FOXK1: variants seen among roughly 807,000 people sequenced by gnomAD.
FOXK1 encodes the protein forkhead box protein K1.
In FOXK1, 19 loss-of-function variants were observed where a neutral mutation model predicts 51.9. The observed-to-expected ratio is 0.37, with a 90% CI of 0.26 to 0.54. The LOEUF is 0.54. Among genes scored for constraint, FOXK1 ranks in the 20% least tolerant of loss-of-function variants. The pLI is 0.87. For synonymous variants in FOXK1, 537 were observed against 482.6 expected, an observed-to-expected ratio of 1.11 and a Z score of -1.48; for missense variants, 870 against 1,032.7, an observed-to-expected ratio of 0.84 and a Z score of 2.16.
intron 1 of FOXK1, among the ~76,000 whole-genome samples, chr7:4,685,163 C>G (rs1478983792): frequency 6.7e-6 from 1 of 149,444 alleles, no homozygotes; most frequent in Non-Finnish European, 1.5e-5. Context: ...AGCAAATGTG[C>G]AGAAGGAAAA....
chr7:4,685,958 G>GA (rs758565062), intron 1 of FOXK1, among the ~76,000 whole-genome samples: 1,623 of 127,794 alleles, frequency 0.013, 15 homozygotes, highest in African/African-American at 0.012. Flanking sequence ...AAAACAAAAT[G>GA]AAAAAAAAAA....
rs974541063 is a variant in FOXK1, at chr7:4,755,482, G to T, written c.1050+99G>T. On this transcript the variant is annotated intron_variant, in intron 4 of 8. Transcript: ENST00000328914. This position sits in a 1 kb window ranked among gnomAD's most constrained non-coding sequence, Gnocchi z 6.6. ...CCTTAAAACAGAAGAGGGCCAGTGA[G>T]GGGGCTCACGCCTGGAACCCTAGCA... The T allele has an allele frequency of 3.0e-5, 45 of 1,491,826 alleles. No homozygotes were observed. Among genetic ancestry groups the T allele is most frequent in the Non-Finnish European group, 4.1e-5 (45 of 1,104,396 alleles). 92.4% of individuals were successfully genotyped at this position (1,491,826 alleles called of 1,614,324 possible). A position where few individuals can be genotyped will look rare whatever the true frequency, so the allele number is the denominator to read the frequency against.
chr7:4,720,499 GTT>G (rs1430133510), intron 1 of FOXK1, among the ~76,000 whole-genome samples: 1 of 152,068 alleles, frequency 6.6e-6, no homozygotes, highest in Non-Finnish European at 1.5e-5. Flanking sequence ...ATTCATTGAG[GTT>G]TCATTTCAGC....
chr7:4,748,723 A>G lies in FOXK1; in HGVS notation c.747-5736A>G, dbSNP rs1350886517. On this transcript the variant is annotated intron_variant, in intron 2 of 8. Transcript: ENST00000328914. The surrounding 1 kb of genome is among the most constrained non-coding windows in gnomAD (Gnocchi z 4.9). Reference sequence around the variant, plus strand: ...CAGGAGACAGACTTTTCATTTATTCACTGATTTAAGAGACAAGGTCTCACT... The same window carrying G: ...CAGGAGACAGACTTTTCATTTATTCGCTGATTTAAGAGACAAGGTCTCACT... 6.6e-6 allele frequency among the ~76,000 whole-genome samples: 1 copy of G among 152,044 alleles called. No homozygotes were observed. Among genetic ancestry groups the G allele is most frequent in the Non-Finnish European group, 1.5e-5 (1 of 68,008 alleles).
Position 4,763,939 on chromosome 7 carries a change from C to G in FOXK1, c.*1475C>G, listed in dbSNP as rs962696970. The G allele has an allele frequency of 1.3e-5, 2 of 152,218 alleles. No homozygotes were observed. Among genetic ancestry groups the G allele is most frequent in the Non-Finnish European group, 2.9e-5 (2 of 68,054 alleles). The allele number at this position is 152,218 out of a possible 1,614,324, so 9.4% of individuals were successfully genotyped here. The stretch of plus-strand genomic sequence containing the variant: ...CAGCGACAGATTCGACGCAGAGCTC[C>G]GGAAGTGCCTGAGGAGCAGTGGTTC... On this transcript the variant is annotated 3_prime_UTR_variant, in exon 9 of 9. Coordinates refer to ENST00000328914, the MANE Select transcript of FOXK1 (RefSeq NM_001037165.2).
chr7:4,749,421 G>A lies in FOXK1; in HGVS notation c.747-5038G>A, dbSNP rs1223188266. Among the ~76,000 whole-genome samples the A allele has an allele frequency of 6.6e-6, 1 of 152,208 alleles. No individual in the cohort carries two copies. ...TCTTAGAGCGGCTGGTATTGGAGCA[G>A]GGGCTGGGGCAGGGACCCCAAGCGT... On this transcript the variant is annotated intron_variant, in intron 2 of 8. Coordinates refer to ENST00000328914, the MANE Select transcript of FOXK1 (RefSeq NM_001037165.2). This position sits in a 1 kb window ranked among gnomAD's most constrained non-coding sequence, Gnocchi z 6.0.
intron 1 of FOXK1, among the ~76,000 whole-genome samples, chr7:4,714,822 G>A (rs13224475): frequency 0.025 from 3,750 of 152,136 alleles, 73 homozygotes; most frequent in Middle Eastern, 0.048. Flanking sequence ...AGTTCCCAGC[G>A]TCTTGCAAAG....
In FOXK1 at chr7:4,767,011, G is replaced by A. The variant is rs780060849; in HGVS notation, c.*4547G>A. 6.6e-6 allele frequency: 1 copy of A among 152,256 alleles called. No homozygotes were observed. The highest frequency in any genetic ancestry group is 1.5e-5 in the Non-Finnish European group (1 of 68,052). 9.4% of individuals were successfully genotyped at this position (152,256 alleles called of 1,614,324 possible). A position where few individuals can be genotyped will look rare whatever the true frequency, so the allele number is the denominator to read the frequency against. On this transcript the variant is annotated 3_prime_UTR_variant, in exon 9 of 9. Transcript: ENST00000328914. The surrounding 1 kb of genome is among the most constrained non-coding windows in gnomAD (Gnocchi z 6.6). ...AAAAATGAAAACGTAATGGAACACG[G>A]GGAGGTGTCGGAGAAGAAAGGATTT...
rs1347024703 is a variant in FOXK1 at position 4,735,385 on chromosome 7, C to T, written c.561-5453C>T. ...TCGACTGCACATACCTTACAACTAA[C>T]CCTTTCCATTGTTCCAGTCCGTGGT... On this transcript the variant is annotated intron_variant, in intron 1 of 8. Coordinates refer to ENST00000328914, the MANE Select transcript of FOXK1 (RefSeq NM_001037165.2). The surrounding 1 kb of genome is among the most constrained non-coding windows in gnomAD (Gnocchi z 4.7). 6.6e-6 allele frequency among the ~76,000 whole-genome samples: 1 copy of T among 152,214 alleles called. No individual in the cohort carries two copies. Among genetic ancestry groups the T allele is most frequent in the Admixed American group, 6.5e-5 (1 of 15,274 alleles).
rs528974760 is a variant in FOXK1 at position 4,765,125 on chromosome 7, G to GGGAGAGGAGGGCAA, written c.*2672_*2685dup. The GGGAGAGGAGGGCAA allele has an allele frequency of 3.4e-4, 53 of 154,404 alleles. 2 individuals are homozygous for GGGAGAGGAGGGCAA. In the South Asian group the frequency reaches 0.01, roughly 29 times the overall value. The allele number at this position is 154,404 out of a possible 1,614,324, so 9.6% of individuals were successfully genotyped here. A position where few individuals can be genotyped will look rare whatever the true frequency, so the allele number is the denominator to read the frequency against. On this transcript the variant is annotated 3_prime_UTR_variant, in exon 9 of 9. Coordinates refer to ENST00000328914, the MANE Select transcript of FOXK1 (RefSeq NM_001037165.2). ...GTCGGCTCAGACTCGGAGCAGGGCA[G>GGGAGAGGAGGGCAA]GGAGAGGAGGGCAAGGAGAGGAGGC...
chr7:4,760,657 C>T (rs1486722401), intron 7 of FOXK1, among the ~76,000 whole-genome samples: 1 of 152,162 alleles, frequency 6.6e-6, no homozygotes, highest in Non-Finnish European at 1.5e-5. Context: ...TCAAGACCAG[C>T]CTGGCCAACA....
chr7:4,739,177 T>C (rs1780596722), intron 1 of FOXK1, among the ~76,000 whole-genome samples: 1 of 152,226 alleles, frequency 6.6e-6, no homozygotes, highest in Non-Finnish European at 1.5e-5. Flanking sequence ...AGCCTGGTGC[T>C]TCATGCAGGT....
chr7:4,755,181 G>A lies in FOXK1; in HGVS notation c.904-56G>A. ...TCCCCATCAGCTGTGACGGGTGGGT[G>A]GGGTAGACTCAGGGACCTTGCTGGA... is the stretch of plus-strand genomic sequence containing the variant. On this transcript the variant is annotated intron_variant, in intron 3 of 8. Transcript: ENST00000328914. The surrounding 1 kb of genome is among the most constrained non-coding windows in gnomAD (Gnocchi z 6.6). 1.3e-6 allele frequency: 2 copies of A among 1,591,994 alleles called. No individual in the cohort carries two copies. The highest frequency in any genetic ancestry group is 2.7e-5 in the African/African-American group (2 of 74,756).
rs1019517212 is a variant in FOXK1, at chr7:4,707,123, C to G, written c.560+24255C>G. On this transcript the variant is annotated intron_variant, in intron 1 of 8. Coordinates refer to ENST00000328914, the MANE Select transcript of FOXK1 (RefSeq NM_001037165.2). This position sits in a 1 kb window ranked among gnomAD's most constrained non-coding sequence, Gnocchi z 4.1. ...AGTCTTAGAGAAGCAGCGATGTCTC[C>G]CCTCCGGGTTTCCCATGATGTTACG... Among the ~76,000 whole-genome samples, 1 of 152,236 alleles carries G rather than the reference C, an allele frequency of 6.6e-6. No homozygotes were observed. The highest frequency in any genetic ancestry group is 2.4e-5 in the African/African-American group (1 of 41,466).
intron 5 of FOXK1, among the ~76,000 whole-genome samples, chr7:4,757,744 C>T (rs1164268371): frequency 6.6e-6 from 1 of 150,390 alleles, no homozygotes; most frequent in African/African-American, 2.4e-5. Flanking sequence ...AGTAACCTGG[C>T]GATGATTTAA....
chr7:4,702,028 C>G (rs1017805207), intron 1 of FOXK1, among the ~76,000 whole-genome samples: 3 of 152,062 alleles, frequency 2.0e-5, no homozygotes, highest in East Asian at 3.9e-4. Flanking sequence ...TGAGCTGTGA[C>G]TGTACCACTG....
In FOXK1 at chr7:4,746,503, G is replaced by C. The variant is rs151055349; in HGVS notation, c.746+5480G>C. On this transcript the variant is annotated intron_variant, in intron 2 of 8. Transcript: ENST00000328914. ...CAGACAAGCCTGGGCAGCATAGTGA[G>C]ACCCCCATCTCTAAAAAAAAAAATT... Among the ~76,000 whole-genome samples the C allele has an allele frequency of 7.2e-3, 1,099 of 151,782 alleles. 14 individuals are homozygous for C. Among genetic ancestry groups the C allele is most frequent in the African/African-American group, 0.025 (1,035 of 41,378 alleles).
At position 4,757,260 on chromosome 7, in the gene FOXK1, C is replaced by T. The variant is rs1562391086; in HGVS notation, c.1244+73C>T. 39 of 1,340,962 alleles carry T rather than the reference C, an allele frequency of 2.9e-5. No homozygotes were observed. In the East Asian group the frequency reaches 8.6e-4, roughly 30 times the overall value. The allele number at this position is 1,340,962 out of a possible 1,614,324, so 83.1% of individuals were successfully genotyped here. The stretch of plus-strand genomic sequence containing the variant: ...TGCCCTGGAGTTTAGAGATACGTGG[C>T]GCAGTCAGCCCTCCGGATCTGTGGG... On this transcript the variant is annotated intron_variant, in intron 5 of 8. Transcript: ENST00000328914.
intron 3 of FOXK1, 71 bp downstream of exon 3, chr7:4,754,686 G>C: frequency 6.6e-7 from 1 of 1,520,788 alleles, no homozygotes; most frequent in Non-Finnish European, 8.8e-7. Flanking sequence ...GGCGCGGGCG[G>C]CACAGACAGC....
Sources: gnomAD v4.1 joint callset for allele counts (sites outside exome capture counted in the v4.1 genomes callset) on GRCh38, gnomAD v4.1.1 for gene constraint, Gnocchi (gnomAD v3.1) non-coding constraint, MANE v1.5 for transcripts, NCBI Gene and HGNC (gene_info 2026-07-23, HGNC 2026-07-21) for gene names.